The following OPCML variants were observed in gnomAD, a reference collection of about 807,000 sequenced individuals.
OPCML encodes opioid-binding protein/cell adhesion molecule.
Under a neutral mutation model 37.8 loss-of-function variants are expected in OPCML, and 13 were observed. The ratio of observed to expected loss-of-function variants is 0.34; its 90% CI spans 0.22 to 0.55. The LOEUF (loss-of-function observed/expected upper bound fraction) is 0.55, where lower values mean the gene tolerates loss of function less well. Ranked by LOEUF, OPCML falls within the 20% of genes least tolerant of loss-of-function variation. The pLI is 0.91. For missense variants in OPCML, 341 were observed against 435.6 expected, an observed-to-expected ratio of 0.78 and a Z score of 1.93; for synonymous variants, 176 against 168.8, an observed-to-expected ratio of 1.04 and a Z score of -0.33.
In OPCML at chr11:132,871,213, T is replaced by A. The variant is rs201277983; in HGVS notation, c.146+71713A>T. ...TTAATTAAAATTTTTTAACTTAATT[T>A]AAAAAAAAAAAAAAGACAGTCAGCC... On this transcript the variant is annotated intron_variant, in intron 2 of 7. Coordinates refer to ENST00000524381, the MANE Select transcript of OPCML (RefSeq NM_001012393.5). 1.2e-3 allele frequency among the ~76,000 whole-genome samples: 180 copies of A among 144,042 alleles called. 1 individual carries two copies. The highest frequency in any genetic ancestry group is 4.1e-3 in the African/African-American group (164 of 39,536). The allele number at this position is 144,042 out of a possible 152,430, so 94.5% of individuals were successfully genotyped here.
chr11:133,487,546 G>A (rs1947555253), intron 1 of OPCML, among the ~76,000 whole-genome samples: 1 of 151,988 alleles, frequency 6.6e-6, no homozygotes, highest in Non-Finnish European at 1.5e-5. Flanking sequence ...TCTTCATAGG[G>A]CACACATTAT....
chr11:133,512,418 G>T (rs1948180448), intron 1 of OPCML, among the ~76,000 whole-genome samples: 1 of 152,344 alleles, frequency 6.6e-6, no homozygotes. Context: ...TACAGCCTCG[G>T]CACCATCCTC....
chr11:132,746,526 C>G (rs1164652374), intron 2 of OPCML, among the ~76,000 whole-genome samples: 1 of 152,162 alleles, frequency 6.6e-6, no homozygotes, highest in Non-Finnish European at 1.5e-5. Flanking sequence ...TGGTTTCTGA[C>G]TCAGGTCTGT....
intron 1 of OPCML, chr11:133,024,486 C>A: frequency 8.1e-6 from 8 of 985,300 alleles, no homozygotes; most frequent in Non-Finnish European, 9.6e-6. Flanking sequence ...GCAGGTTTCA[C>A]GGGTAATGAG....
intron 1 of OPCML, among the ~76,000 whole-genome samples, chr11:133,373,448 T>TATATATATATATATATATATACACAC (rs966091785): frequency 3.8e-5 from 5 of 132,176 alleles, no homozygotes; most frequent in African/African-American, 1.3e-4. Flanking sequence ...TATATATATA[T>TATATATATATATATATATATACACAC]ACACACACAC....
chr11:132,460,057 G>A (rs2096095853), intron 4 of OPCML, among the ~76,000 whole-genome samples: 1 of 152,160 alleles, frequency 6.6e-6, no homozygotes, highest in South Asian at 2.1e-4. Context: ...CAACCAAACA[G>A]TCTAACAGGT....
chr11:132,478,180 A>C (rs938526777), intron 4 of OPCML, among the ~76,000 whole-genome samples: 2 of 152,238 alleles, frequency 1.3e-5, no homozygotes, highest in African/African-American at 4.8e-5. Flanking sequence ...CTGTATTCAA[A>C]TAGACTTAGA....
intron 1 of OPCML, among the ~76,000 whole-genome samples, chr11:133,459,716 A>G (rs2035890477): frequency 6.6e-6 from 1 of 152,036 alleles, no homozygotes; most frequent in Admixed American, 6.6e-5. Context: ...AGAGCTCCCA[A>G]CTATAAGATG....
chr11:133,463,954 T>C (rs957938551), intron 1 of OPCML, among the ~76,000 whole-genome samples: 1 of 150,962 alleles, frequency 6.6e-6, no homozygotes, highest in African/African-American at 2.5e-5. Context: ...AACATATCTT[T>C]GTGTTCTATT....
intron 1 of OPCML, among the ~76,000 whole-genome samples, chr11:133,009,520 A>G (rs1947176597): frequency 6.6e-6 from 1 of 152,158 alleles, no homozygotes; most frequent in Non-Finnish European, 1.5e-5. Flanking sequence ...AGACCAAGTG[A>G]AACATTAGTC....
intron 1 of OPCML, among the ~76,000 whole-genome samples, chr11:133,220,810 G>C (rs1939784927): frequency 6.6e-6 from 1 of 151,968 alleles, no homozygotes; most frequent in Admixed American, 6.6e-5. Context: ...GCCTCTAAAT[G>C]CTTAACAGCC....
chr11:133,460,687 A>C (rs577103914), intron 1 of OPCML, among the ~76,000 whole-genome samples: 1 of 152,048 alleles, frequency 6.6e-6, no homozygotes, highest in Admixed American at 6.5e-5. Context: ...AAGGAGATTG[A>C]ATTGGTAATC....
chr11:133,277,821 T>C (rs1942036153), intron 1 of OPCML, among the ~76,000 whole-genome samples: 1 of 152,116 alleles, frequency 6.6e-6, no homozygotes, highest in Non-Finnish European at 1.5e-5. Context: ...ATAAGTACTT[T>C]GCTCATCTCG....
At chr11:133,062,385 CT>C (rs1208757230) in intron 1 of OPCML, among the ~76,000 whole-genome samples, 6 of 152,222 alleles carry the variant, frequency 3.9e-5, no homozygotes, top group Admixed American at 3.9e-4. Flanking sequence ...CTTCTCGAGC[CT>C]TTTCTGTTCA....
chr11:132,875,856 G>T (rs1942990795), intron 2 of OPCML, among the ~76,000 whole-genome samples: 1 of 152,140 alleles, frequency 6.6e-6, no homozygotes, highest in Admixed American at 6.5e-5. Flanking sequence ...TCCTCTGGTT[G>T]TTTTGCTGGA....
intron 1 of OPCML, among the ~76,000 whole-genome samples, chr11:133,191,504 G>GGTGT (rs56143154): frequency 0.047 from 6,677 of 142,210 alleles, 219 homozygotes; most frequent in African/African-American, 0.091. Flanking sequence ...TGTGTGTGTG[G>GGTGT]GTGTGTGTGT....
intron 1 of OPCML, among the ~76,000 whole-genome samples, chr11:133,328,981 A>G (rs1217014012): frequency 1.3e-5 from 2 of 152,248 alleles, no homozygotes; most frequent in Non-Finnish European, 2.9e-5. Context: ...CAACTTCAGC[A>G]AAGTCTCAGG....
At chr11:132,817,114 C>A (rs1939680935) in intron 2 of OPCML, 1 of 152,262 alleles carries the variant, frequency 6.6e-6, no homozygotes, top group Non-Finnish European at 1.5e-5. Flanking sequence ...ATGGATGTTG[C>A]CAAATGGTAA....
intron 4 of OPCML, 134 bp downstream of exon 4, chr11:132,528,927 T>C (rs1229811895): frequency 5.4e-6 from 3 of 551,052 alleles, no homozygotes; most frequent in South Asian, 3.3e-5. Flanking sequence ...TAGCCAGCAA[T>C]TGGTGCATAT....
Sources: allele counts gnomAD v4.1 joint callset (sites outside exome capture counted in the v4.1 genomes callset), GRCh38; gene constraint gnomAD v4.1.1; transcripts MANE v1.5; gene names NCBI Gene and HGNC (gene_info 2026-07-23, HGNC 2026-07-21).